The following MYO1E variants were observed in gnomAD, a reference collection of about 807,000 sequenced individuals.
The protein encoded by MYO1E is myosin IE.
A neutral mutation model predicts 151.1 loss-of-function variants in MYO1E; 68 were observed. The ratio of observed to expected loss-of-function variants is 0.45; its 90% CI spans 0.37 to 0.55. The LOEUF is 0.55. Among genes scored for constraint, MYO1E ranks in the 20% least tolerant of loss-of-function variants. MYO1E has a pLI of 0.00. For synonymous variants in MYO1E, 601 were observed against 501.7 expected, an observed-to-expected ratio of 1.20 and a Z score of -2.64; for missense variants, 1,363 against 1,389.3, an observed-to-expected ratio of 0.98 and a Z score of 0.30.
In MYO1E at chr15:59,353,356, CAAAAA is replaced by C. The variant is rs1205997737; in HGVS notation, c.3+19137_3+19141del. The stretch of plus-strand genomic sequence containing the variant: ...TGGGTGACAGATAGAGACCCTGTCT[CAAAAA>C]AAAAAAAAAAAAGAAAAGAAAAGAA... On this transcript the variant is annotated intron_variant, in intron 1 of 27. Coordinates refer to ENST00000288235, the MANE Select transcript of MYO1E (RefSeq NM_004998.4). Among the ~76,000 whole-genome samples, 9 of 57,552 alleles carry C rather than the reference CAAAAA, an allele frequency of 1.6e-4. No homozygotes were observed. The East Asian group carries it at 2.6e-3, about 17-fold the overall frequency. 37.8% of individuals were successfully genotyped at this position (57,552 alleles called of 152,430 possible).
chr15:59,235,671 T>C (rs1188342126), intron 5 of MYO1E, among the ~76,000 whole-genome samples: 5 of 152,260 alleles, frequency 3.3e-5, no homozygotes, highest in African/African-American at 9.6e-5. Context: ...CATTTCAGCA[T>C]ATCTAAAGAA....
Position 59,195,442 on chromosome 15 carries a change from A to G in MYO1E, c.1805+19T>C, listed in dbSNP as rs1351643787. The stretch of plus-strand genomic sequence containing the variant: ...GGGAAAAAGGTCCCGGCCCCACCTA[A>G]GCCGGTTTCCCCCGATACCTGCTTT... On this transcript the variant is annotated intron_variant, in intron 17 of 27. Transcript: ENST00000288235. The G allele has an allele frequency of 6.3e-7, 1 of 1,596,284 alleles. No homozygotes were observed. Among genetic ancestry groups the G allele is most frequent in the Non-Finnish European group, 8.6e-7 (1 of 1,163,842 alleles).
At chr15:59,312,152 A>C (rs1238270635) in intron 1 of MYO1E, among the ~76,000 whole-genome samples, 1 of 152,250 alleles carries the variant, frequency 6.6e-6, no homozygotes, top group Non-Finnish European at 1.5e-5. Flanking sequence ...CTCTGTGCTA[A>C]GTTCAAGAAC....
intron 2 of MYO1E, among the ~76,000 whole-genome samples, chr15:59,267,168 G>GGC (rs1194804286): frequency 6.6e-6 from 1 of 151,450 alleles, no homozygotes; most frequent in African/African-American, 2.4e-5. Flanking sequence ...CGGGACTACA[G>GGC]GCATGCGCCA....
At chr15:59,145,092 C>T (rs2079433839) in intron 26 of MYO1E, among the ~76,000 whole-genome samples, 2 of 152,176 alleles carry the variant, frequency 1.3e-5, no homozygotes, top group African/African-American at 4.8e-5. Context: ...ATCCACCTGC[C>T]TCAGCTTCCC....
In MYO1E at chr15:59,222,663, A is replaced by T. The variant is rs28723536; in HGVS notation, c.910+396T>A. On this transcript the variant is annotated intron_variant, in intron 9 of 27. Coordinates refer to ENST00000288235, the MANE Select transcript of MYO1E (RefSeq NM_004998.4). The stretch of plus-strand genomic sequence containing the variant: ...GCTTGCTCTTTAAAACCTGTAAGTG[A>T]ATTTAGATCCTAAAGACCAGTTACT... Among the ~76,000 whole-genome samples the T allele has an allele frequency of 5.5e-3, 840 of 152,304 alleles. 14 individuals carry two copies. The highest frequency in any genetic ancestry group is 0.048 in the Middle Eastern group (14 of 294).
intron 26 of MYO1E, among the ~76,000 whole-genome samples, chr15:59,145,474 C>T (rs1357005607): frequency 6.6e-6 from 1 of 152,202 alleles, no homozygotes; most frequent in Non-Finnish European, 1.5e-5. Context: ...GCAACCTCCG[C>T]CTCCCGGGTT....
chr15:59,144,277 G>A (rs1283323964), intron 26 of MYO1E, among the ~76,000 whole-genome samples: 3 of 151,412 alleles, frequency 2.0e-5, no homozygotes, highest in Admixed American at 6.6e-5. Flanking sequence ...AGCAATTCTC[G>A]TGCCTCAGCC....
intron 14 of MYO1E, chr15:59,208,096 A>T: frequency 6.4e-7 from 1 of 1,551,420 alleles, no homozygotes; most frequent in African/African-American, 1.4e-5. Context: ...AAGTTGCCTA[A>T]AACTACCATT....
At chr15:59,218,179 G>GCACACA in intron 9 of MYO1E, 92 bp from the exon 10 acceptor site, 2 of 1,445,276 alleles carry the variant, frequency 1.4e-6, no homozygotes, top group Non-Finnish European at 1.9e-6. Context: ...ATGTGCACAT[G>GCACACA]CACGTGTGTG....
chr15:59,325,115 A>G (rs2080655450), intron 1 of MYO1E, among the ~76,000 whole-genome samples: 1 of 151,742 alleles, frequency 6.6e-6, no homozygotes, highest in South Asian at 2.1e-4. Flanking sequence ...GCTCACTGCA[A>G]CCTCCACCTC....
intron 2 of MYO1E, among the ~76,000 whole-genome samples, chr15:59,263,326 A>G (rs779216417): frequency 1.2e-4 from 19 of 152,210 alleles, no homozygotes; most frequent in Non-Finnish European, 2.8e-4. Flanking sequence ...ATAATTATAG[A>G]ACACTCAGCA....
chr15:59,215,829 G>A (rs537316557), intron 10 of MYO1E, among the ~76,000 whole-genome samples: 3 of 152,200 alleles, frequency 2.0e-5, no homozygotes, highest in Non-Finnish European at 4.4e-5. Flanking sequence ...GCGCTGGAAG[G>A]TGCTCTGAAC....
intron 1 of MYO1E, among the ~76,000 whole-genome samples, chr15:59,306,916 T>C (rs2080517944): frequency 6.6e-6 from 1 of 152,244 alleles, no homozygotes; most frequent in African/African-American, 2.4e-5. Flanking sequence ...CTCCCTGTTA[T>C]GAGCAGCGTT....
intron 2 of MYO1E, among the ~76,000 whole-genome samples, chr15:59,262,066 G>A (rs958495556): frequency 1.3e-5 from 2 of 152,114 alleles, no homozygotes; most frequent in East Asian, 1.9e-4. Flanking sequence ...GCCAGCTGTG[G>A]TGGCACACGC....
intron 1 of MYO1E, among the ~76,000 whole-genome samples, chr15:59,313,393 AT>A (rs780637206): frequency 3.2e-4 from 48 of 152,328 alleles, no homozygotes; most frequent in Admixed American, 5.2e-4. Context: ...GTCTGATGTC[AT>A]GGTTCTATGG....
At chr15:59,338,131 G>GAGGCA (rs1231921069) in intron 1 of MYO1E, among the ~76,000 whole-genome samples, 1 of 150,648 alleles carries the variant, frequency 6.6e-6, no homozygotes, top group Admixed American at 6.6e-5. Context: ...ACTGCATTGT[G>GAGGCA]AGGCAAGGCA....
chr15:59,227,343 G>C (rs1235637569), intron 7 of MYO1E, 116 bp downstream of exon 7: 1 of 1,228,812 alleles, frequency 8.1e-7, no homozygotes, highest in African/African-American at 1.5e-5. Flanking sequence ...CTTGTACATG[G>C]TATCATCATC....
chr15:59,309,478 A>C (rs1178912404), intron 1 of MYO1E, among the ~76,000 whole-genome samples: 2 of 152,220 alleles, frequency 1.3e-5, no homozygotes, highest in African/African-American at 4.8e-5. Flanking sequence ...ATGCTACTGA[A>C]GAATAACAGG....
Sources: gnomAD v4.1 joint callset for allele counts (sites outside exome capture counted in the v4.1 genomes callset) on GRCh38, gnomAD v4.1.1 for gene constraint, MANE v1.5 for transcripts, NCBI Gene and HGNC (gene_info 2026-07-23, HGNC 2026-07-21) for gene names.